The following RGS10 variants were observed in gnomAD, a reference collection of about 807,000 sequenced individuals.
The protein encoded by RGS10 is regulator of G-protein signalling 10.
Under a neutral mutation model 23.5 loss-of-function variants are expected in RGS10, and 11 were observed. That is an observed-to-expected ratio of 0.47 (90% CI 0.29 to 0.77). The LOEUF (loss-of-function observed/expected upper bound fraction) is 0.77. Ranked by LOEUF, RGS10 falls within the 30% of genes least tolerant of loss-of-function variation. RGS10 has a pLI of 0.08. For synonymous variants in RGS10, 77 were observed against 83.2 expected (o/e 0.92, Z 0.41); for missense variants, 180 against 226.3 (o/e 0.80, Z 1.31).
chr10:119,505,447 G>C (rs77805263), intron 4 of RGS10, among the ~76,000 whole-genome samples: 1,899 of 151,392 alleles, frequency 0.013, 45 homozygotes, highest in African/African-American at 0.044. Context: ...CGTTGCCTTG[G>C]GATCCAATCC....
At chr10:119,502,239 C>T (rs1014877318) in intron 4 of RGS10, among the ~76,000 whole-genome samples, 27 of 152,144 alleles carry the variant, frequency 1.8e-4, no homozygotes, top group African/African-American at 4.3e-4. Flanking sequence ...CTCCCACCGA[C>T]GTGCTAAGCA....
intron 1 of RGS10, among the ~76,000 whole-genome samples, chr10:119,528,792 C>CCA (rs1315498605): frequency 6.6e-6 from 1 of 151,900 alleles, no homozygotes; most frequent in African/African-American, 2.4e-5. Context: ...CAAGATCACA[C>CCA]CACTGCACTC....
intron 1 of RGS10, among the ~76,000 whole-genome samples, chr10:119,537,298 C>T (rs1254967021): frequency 2.0e-5 from 3 of 150,644 alleles, no homozygotes; most frequent in African/African-American, 7.3e-5. Context: ...AGGAGAATGG[C>T]TTGAACCCCG....
At chr10:119,512,321 G>C (rs1844087806) in intron 4 of RGS10, among the ~76,000 whole-genome samples, 1 of 152,144 alleles carries the variant, frequency 6.6e-6, no homozygotes. Flanking sequence ...TAGGAAAACA[G>C]AGCTCTCGAG....
intron 1 of RGS10, among the ~76,000 whole-genome samples, chr10:119,534,068 A>G (rs151256957): frequency 0.013 from 1,891 of 150,768 alleles, 27 homozygotes; most frequent in African/African-American, 0.037. Context: ...CAGCCTGGGC[A>G]ACATGGCAAA....
chr10:119,525,281 C>T (rs1844261431), intron 3 of RGS10, among the ~76,000 whole-genome samples: 1 of 152,188 alleles, frequency 6.6e-6, no homozygotes, highest in Non-Finnish European at 1.5e-5. Flanking sequence ...GAAGCCCAGA[C>T]AGCCACAGGC....
intron 3 of RGS10, among the ~76,000 whole-genome samples, chr10:119,518,180 CTG>C (rs1331523094): frequency 6.6e-6 from 1 of 152,216 alleles, no homozygotes; most frequent in African/African-American, 2.4e-5. Context: ...GATTCTGTGT[CTG>C]TGGCCTGGAA....
Position 119,519,416 on chromosome 10 carries a change from T to C in RGS10, c.256-3764A>G, listed in dbSNP as rs1844185589. Among the ~76,000 whole-genome samples, 8 of 127,434 alleles carry C rather than the reference T, an allele frequency of 6.3e-5. No individual in the cohort carries two copies. The South Asian group carries it at 2.2e-3, about 36-fold the overall frequency. 83.6% of individuals were successfully genotyped at this position (127,434 alleles called of 152,430 possible). On this transcript the variant is annotated intron_variant, in intron 3 of 4. Transcript: ENST00000369103. Reference sequence around the variant, plus strand: ...CCCAGCTCCTGTCTCCCTGTGTCTGTCTCCCAGCTTCTGTCTCCCTGTCTG... The same window carrying C: ...CCCAGCTCCTGTCTCCCTGTGTCTGCCTCCCAGCTTCTGTCTCCCTGTCTG...
chr10:119,508,361 C>T (rs1312739407), intron 4 of RGS10, among the ~76,000 whole-genome samples: 1 of 152,156 alleles, frequency 6.6e-6, no homozygotes, highest in Non-Finnish European at 1.5e-5. Context: ...AGAATGAGCA[C>T]CCCACAACCC....
At chr10:119,522,232 G>A (rs1257883393) in intron 3 of RGS10, among the ~76,000 whole-genome samples, 1 of 152,206 alleles carries the variant, frequency 6.6e-6, no homozygotes, top group Non-Finnish European at 1.5e-5. Context: ...GTTGTTGAAT[G>A]CTGGATAATC....
chr10:119,515,426 C>T (rs1844130737), intron 4 of RGS10, 83 bp downstream of exon 4: 3 of 1,536,112 alleles, frequency 2.0e-6, no homozygotes, highest in Admixed American at 3.5e-5. Flanking sequence ...GGGAGTCTAA[C>T]ATCGGGTGTT....
At chr10:119,536,566 C>A in intron 1 of RGS10, 1 of 1,543,646 alleles carries the variant, frequency 6.5e-7, no homozygotes, top group South Asian at 1.2e-5. Context: ...GGAGGGCTCC[C>A]GAGCACCCTT....
chr10:119,512,783 G>A lies in RGS10; in HGVS notation c.399+2726C>T, dbSNP rs540003574. On this transcript the variant is annotated intron_variant, in intron 4 of 4. Coordinates refer to ENST00000369103, the MANE Select transcript of RGS10 (RefSeq NM_001005339.2). ...GGCTGCTCTGGAACTCCTGACCTCAGGTGATCCACACGCCTTGGCCTCCCA... is the reference window on the plus strand; with the variant it reads ...GGCTGCTCTGGAACTCCTGACCTCAAGTGATCCACACGCCTTGGCCTCCCA... 2.3e-3 allele frequency among the ~76,000 whole-genome samples: 352 copies of A among 152,280 alleles called. 2 individuals carry two copies. In the Middle Eastern group the frequency reaches 0.041, roughly 18 times the overall value.
chr10:119,512,176 A>C (rs1021185797), intron 4 of RGS10, among the ~76,000 whole-genome samples: 1 of 152,190 alleles, frequency 6.6e-6, no homozygotes, highest in African/African-American at 2.4e-5. Context: ...TGAACACAGG[A>C]AAGCGGCTGC....
chr10:119,500,329 T>A lies in RGS10; in HGVS notation c.400-70A>T, dbSNP rs141198794. On this transcript the variant is annotated intron_variant, in intron 4 of 4. Coordinates refer to ENST00000369103, the MANE Select transcript of RGS10 (RefSeq NM_001005339.2). ...AGGCCATAAATCATCCCATCAGATATGTATTAATACCTACCATGTGCCAAA... is the reference window on the plus strand; with the variant it reads ...AGGCCATAAATCATCCCATCAGATAAGTATTAATACCTACCATGTGCCAAA... 460 of 1,418,616 alleles carry A rather than the reference T, an allele frequency of 3.2e-4. 1 individual carries two copies. The East Asian group carries it at 5.3e-3, about 16-fold the overall frequency. The allele number at this position is 1,418,616 out of a possible 1,614,324, so 87.9% of individuals were successfully genotyped here.
At chr10:119,534,256 AAAATAAAT>A (rs199735313) in intron 1 of RGS10, among the ~76,000 whole-genome samples, 13,327 of 122,876 alleles carry the variant, frequency 0.11, 1,566 homozygotes, top group African/African-American at 0.29. Context: ...AACCTGTCTT[AAAATAAAT>A]AAATAAATAA....
At chr10:119,512,190 G>A (rs1032622100) in intron 4 of RGS10, among the ~76,000 whole-genome samples, 1 of 152,164 alleles carries the variant, frequency 6.6e-6, no homozygotes, top group Non-Finnish European at 1.5e-5. Context: ...CGGCTGCTCT[G>A]CGGCTCCACC....
In RGS10 at chr10:119,528,832, T is replaced by A. The variant is rs557715709; in HGVS notation, c.50-1408A>T. Reference sequence around the variant, plus strand: ...CTGGGCGACAGAGCAAGATTCCATCTAAAAATAATGATAATAAATAAATAA... The same window carrying A: ...CTGGGCGACAGAGCAAGATTCCATCAAAAAATAATGATAATAAATAAATAA... On this transcript the variant is annotated intron_variant, in intron 1 of 4. Transcript: ENST00000369103. Among the ~76,000 whole-genome samples the A allele has an allele frequency of 1.2e-3, 152 of 126,138 alleles. 2 individuals are homozygous for A. Among genetic ancestry groups the A allele is most frequent in the African/African-American group, 4.4e-3 (146 of 33,562 alleles). 82.8% of individuals were successfully genotyped at this position (126,138 alleles called of 152,430 possible). A position where few individuals can be genotyped will look rare whatever the true frequency, so the allele number is the denominator to read the frequency against.
intron 4 of RGS10, among the ~76,000 whole-genome samples, 156 bp from the exon 5 acceptor site, chr10:119,500,415 G>A (rs1324470477): frequency 1.3e-5 from 2 of 152,098 alleles, no homozygotes; most frequent in African/African-American, 4.8e-5. Flanking sequence ...TGCTAGACAA[G>A]GCAGATTTCC....
Sources: gnomAD v4.1 joint callset for allele counts (sites outside exome capture counted in the v4.1 genomes callset) on GRCh38, gnomAD v4.1.1 for gene constraint, MANE v1.5 for transcripts, NCBI Gene and HGNC (gene_info 2026-07-23, HGNC 2026-07-21) for gene names.